CAPS2: variants seen among roughly 807,000 people sequenced by gnomAD.
CAPS2 encodes the protein calcyphosin-2.
In CAPS2, 98 loss-of-function variants were observed where a neutral mutation model predicts 86.5. The observed-to-expected ratio is 1.13, with a 90% confidence interval of 0.96 to 1.34. The LOEUF is 1.34. CAPS2 is among the 40% of genes most tolerant of loss of function. The pLI, the probability that CAPS2 is intolerant of heterozygous loss-of-function variation, is 0.00. For synonymous variants in CAPS2, 210 were observed against 225.1 expected (o/e 0.93, Z 0.60); for missense variants, 729 against 686.8 (o/e 1.06, Z -0.69).
intron 1 of CAPS2, among the ~76,000 whole-genome samples, chr12:75,371,896 T>C (rs1473096465): frequency 2.6e-5 from 4 of 152,236 alleles, no homozygotes; most frequent in African/African-American, 7.2e-5. Flanking sequence ...TAGTTTCCCA[T>C]TGACCTTAAT....
At chr12:75,358,779 A>G (rs2043331398) in intron 1 of CAPS2, among the ~76,000 whole-genome samples, 1 of 144,190 alleles carries the variant, frequency 6.9e-6, no homozygotes, top group South Asian at 2.1e-4. Context: ...TTAAATATAT[A>G]TAATATATAA....
intron 1 of CAPS2, among the ~76,000 whole-genome samples, chr12:75,364,473 C>G (rs2043830403): frequency 6.6e-6 from 1 of 152,186 alleles, no homozygotes; most frequent in Non-Finnish European, 1.5e-5. Context: ...TCAGTGGAAC[C>G]CCTATTGCCA....
chr12:75,387,787 T>A (rs1321652966), intron 1 of CAPS2, among the ~76,000 whole-genome samples: 1 of 152,166 alleles, frequency 6.6e-6, no homozygotes, highest in Non-Finnish European at 1.5e-5. Flanking sequence ...ACAGACCCAA[T>A]CACTTCTTAA....
At chr12:75,341,355 A>G (rs995029778) in intron 1 of CAPS2, among the ~76,000 whole-genome samples, 8 of 152,242 alleles carry the variant, frequency 5.3e-5, no homozygotes, top group Non-Finnish European at 1.2e-4. Context: ...TAACATCCCC[A>G]TGGCTCTCAA....
At chr12:75,325,120 G>T in intron 2 of CAPS2, 119 bp downstream of exon 3, 1 of 889,618 alleles carries the variant, frequency 1.1e-6, no homozygotes, top group Non-Finnish European at 1.6e-6. Context: ...TATGCATATA[G>T]ATTTTTCTGT....
chr12:75,302,120 A>C (rs2037891397), intron 8 of CAPS2, among the ~76,000 whole-genome samples: 1 of 152,114 alleles, frequency 6.6e-6, no homozygotes, highest in South Asian at 2.1e-4. Flanking sequence ...TGTACTACTC[A>C]CGCCAATTCC....
intron 1 of CAPS2, among the ~76,000 whole-genome samples, chr12:75,351,028 C>T (rs969716869): frequency 6.6e-6 from 1 of 152,114 alleles, no homozygotes; most frequent in African/African-American, 2.4e-5. Context: ...CTGTAAAACA[C>T]AACACAAGAA....
intron 1 of CAPS2, among the ~76,000 whole-genome samples, chr12:75,381,605 T>C (rs2044984083): frequency 6.8e-6 from 1 of 147,672 alleles, no homozygotes; most frequent in Non-Finnish European, 1.5e-5. Context: ...GTTATTCATT[T>C]TCTTAAGTGT....
exon 5 of CAPS2, chr12:75,321,448 T>C (rs1282083827): frequency 1.3e-6 from 2 of 1,547,954 alleles, no homozygotes; most frequent in Non-Finnish European, 1.7e-6. Flanking sequence ...TAACATTTGA[T>C]TTTGTATTTT....
At chr12:75,364,727 C>T (rs2043849714) in intron 1 of CAPS2, 1 of 152,176 alleles carries the variant, frequency 6.6e-6, no homozygotes, top group Non-Finnish European at 1.5e-5. Context: ...ATTATTAAAA[C>T]CTTTTAAGCT....
At chr12:75,369,838 T>C (rs2044241525) in intron 1 of CAPS2, 1 of 1,329,804 alleles carries the variant, frequency 7.5e-7, no homozygotes, top group Admixed American at 3.4e-5. Flanking sequence ...TTTCATTTTC[T>C]TGTTAAAAAG....
rs189872144 is a variant in CAPS2 at position 75,313,017 on chromosome 12, G to A, written c.592-102C>T. 6.6e-4 allele frequency: 408 copies of A among 619,970 alleles called. 6 individuals are homozygous for A. The East Asian group carries it at 0.011, about 16-fold the overall frequency. 38.4% of individuals were successfully genotyped at this position (619,970 alleles called of 1,614,324 possible). ...CATAAATTAAATATCTCTGATTTCC[G>A]TCTTAGATATAGATGGAAATAGATT... On this transcript the variant is annotated intron_variant, in intron 6 of 16. Coordinates refer to ENST00000393284, the Ensembl canonical transcript of CAPS2.
chr12:75,304,143 T>C (rs1565848090), intron 8 of CAPS2, among the ~76,000 whole-genome samples: 1 of 152,028 alleles, frequency 6.6e-6, no homozygotes, highest in Non-Finnish European at 1.5e-5. Flanking sequence ...AATATTTAAA[T>C]GGATAAAAGC....
intron 1 of CAPS2, among the ~76,000 whole-genome samples, chr12:75,384,118 A>G (rs981633212): frequency 3.3e-5 from 5 of 152,186 alleles, no homozygotes; most frequent in African/African-American, 9.6e-5. Flanking sequence ...TAGAAAAAAA[A>G]GAGCAAATTA....
intron 1 of CAPS2, among the ~76,000 whole-genome samples, chr12:75,367,268 GAAAAAAAAA>G (rs35250320): frequency 4.5e-5 from 4 of 88,738 alleles, no homozygotes; most frequent in South Asian, 4.1e-4. Context: ...TTCCTAGGAG[GAAAAAAAAA>G]AAAAAAAAAA....
At chr12:75,370,117 C>A in intron 1 of CAPS2, 1 of 1,607,786 alleles carries the variant, frequency 6.2e-7, no homozygotes, top group Non-Finnish European at 8.5e-7. Context: ...GGGGAGAGCA[C>A]CTCAGCAGAC....
At chr12:75,361,849 A>G (rs1271736148) in intron 1 of CAPS2, among the ~76,000 whole-genome samples, 1 of 152,162 alleles carries the variant, frequency 6.6e-6, no homozygotes, top group African/African-American at 2.4e-5. Flanking sequence ...TGGGAATTAC[A>G]ATTCAAGATG....
In CAPS2 at chr12:75,278,909, C is replaced by T. The variant is rs759306425; in HGVS notation, c.1769G>A (p.Arg590His). 3.4e-5 allele frequency: 54 copies of T among 1,586,720 alleles called. 1 individual carries two copies. In the South Asian group the frequency reaches 3.7e-4, roughly 11 times the overall value. The stretch of plus-strand genomic sequence containing the variant: ...TAAAGACTAAATCCCCCATGGAGTA[C>T]GTAAGATGTTAACAAAGTCTTCATC... Residue 590 changes from arginine to histidine, a missense_variant, in exon 17 of 17, where the codon CGT becomes CAT. Arg to His is a conservative substitution (Grantham distance 29). Transcript: ENST00000393284.
chr12:75,276,085 C>T, downstream of CAPS2: 9 of 932,352 alleles, frequency 9.7e-6, no homozygotes, highest in Non-Finnish European at 1.3e-5. Context: ...ATGACAAGAG[C>T]CTCTTCTCAT....
Sources: gnomAD v4.1 joint callset for allele counts (sites outside exome capture counted in the v4.1 genomes callset) on GRCh38, gnomAD v4.1.1 for gene constraint, MANE v1.5 for transcripts, NCBI Gene and HGNC (gene_info 2026-07-23, HGNC 2026-07-21) for gene names.